The following EPB41L3 variants were observed in gnomAD, a reference collection of about 807,000 sequenced individuals.
The protein encoded by EPB41L3 is band 4.1-like protein 3.
In EPB41L3, 57 loss-of-function variants were observed where a neutral mutation model predicts 127.1. The ratio of observed to expected loss-of-function variants is 0.45; its 90% CI spans 0.36 to 0.56. EPB41L3 has a LOEUF of 0.56. Ranked by LOEUF, EPB41L3 falls within the 20% of genes least tolerant of loss-of-function variation. The pLI is 0.00. For synonymous variants in EPB41L3, 572 were observed against 549.5 expected, an observed-to-expected ratio of 1.04 and a Z score of -0.57; for missense variants, 1,273 against 1,372.2, an observed-to-expected ratio of 0.93 and a Z score of 1.14.
intron 5 of EPB41L3, among the ~76,000 whole-genome samples, chr18:5,439,940 T>C (rs1224052027): frequency 2.0e-5 from 3 of 152,210 alleles, no homozygotes; most frequent in African/African-American, 7.2e-5. Context: ...ATGAATAGTT[T>C]AGCAATGTAA....
At chr18:5,630,260 CTTT>C, upstream of EPB41L3, 1 of 432,130 alleles carries the variant, frequency 2.3e-6, no homozygotes, top group East Asian at 6.5e-5. Context: ...CCCTTCCTCG[CTTT>C]CTCCCCCATC....
At chr18:5,505,941 C>G (rs1199978637) in intron 1 of EPB41L3, among the ~76,000 whole-genome samples, 1 of 150,910 alleles carries the variant, frequency 6.6e-6, no homozygotes, top group Non-Finnish European at 1.5e-5. Context: ...TCACCTCTTA[C>G]CCTCCCTACC....
At position 5,582,870 on chromosome 18, in the gene EPB41L3, G is replaced by A. The variant is rs945231828; in HGVS notation, c.-306+29470C>T. Among the ~76,000 whole-genome samples the A allele has an allele frequency of 4.6e-5, 7 of 152,318 alleles. No homozygotes were observed. The East Asian group carries it at 5.8e-4, about 13-fold the overall frequency. ...CAGTGCAAACTTAAGAAGCTGGAGCGTCAGCAGAGGCAGTGAGGCATGCCC... is the reference window on the plus strand; with the variant it reads ...CAGTGCAAACTTAAGAAGCTGGAGCATCAGCAGAGGCAGTGAGGCATGCCC... On this transcript the variant is annotated intron_variant, in intron 3 of 21. Coordinates refer to the EPB41L3 transcript ENST00000545076.
chr18:5,550,955 G>A (rs976233130), intron 3 of EPB41L3, among the ~76,000 whole-genome samples: 2 of 151,948 alleles, frequency 1.3e-5, no homozygotes, highest in South Asian at 2.1e-4. Flanking sequence ...CCCCTCCCAC[G>A]TCTTCTCAGA....
Position 5,416,376 on chromosome 18 carries a change from T to G in EPB41L3, c.1509A>C (p.Ser503=). Residue 503 remains serine (S), a splice_region_variant and synonymous_variant, in exon 13 of 23, where the codon TCA becomes TCC. Transcript: ENST00000341928. The part of the protein sequence containing the change: ...PISAIRHEGK[S]PGLGTDSCPL... ...GACATGAGTCAGTGCCAAGCCCAGG[T>G]GACTGATGTGAAAGAGACAGAAAGA... 6.2e-7 allele frequency: 1 copy of G among 1,609,700 alleles called. No individual in the cohort carries two copies. Among genetic ancestry groups the G allele is most frequent in the Non-Finnish European group, 8.5e-7 (1 of 1,177,446 alleles).
intron 3 of EPB41L3, among the ~76,000 whole-genome samples, 168 bp from the exon 4 acceptor site, chr18:5,445,412 A>G (rs1380883795): frequency 6.6e-6 from 1 of 152,196 alleles, no homozygotes; most frequent in African/African-American, 2.4e-5. Flanking sequence ...AAATGGCTAA[A>G]AAATGGCAGG....
chr18:5,415,171 G>A (rs1158245967), intron 13 of EPB41L3, among the ~76,000 whole-genome samples: 1 of 152,230 alleles, frequency 6.6e-6, no homozygotes, highest in African/African-American at 2.4e-5. Flanking sequence ...GCATGCCGTT[G>A]CTTCTGGGCT....
At position 5,499,829 on chromosome 18, in the gene EPB41L3, G is replaced by GTGTGTATATATATATATATATATATA. The variant is rs563662904; in HGVS notation, c.-11-10636_-11-10635insTATATATATATATATATATATACACA. Among the ~76,000 whole-genome samples, 45 of 124,622 alleles carry GTGTGTATATATATATATATATATATA rather than the reference G, an allele frequency of 3.6e-4. 1 individual carries two copies. Among genetic ancestry groups the GTGTGTATATATATATATATATATATA allele is most frequent in the South Asian group, 1.0e-3 (4 of 3,966 alleles). The allele number at this position is 124,622 out of a possible 152,430, so 81.8% of individuals were successfully genotyped here. ...CCTACTACATACTTACTATGTGTGT[G>GTGTGTATATATATATATATATATATA]TATATATATATATATATATGGCATT... On this transcript the variant is annotated intron_variant, in intron 1 of 22. Transcript: ENST00000341928.
intron 1 of EPB41L3, among the ~76,000 whole-genome samples, chr18:5,622,951 A>ATTTTTTTTT (rs10622515): frequency 1.4e-4 from 11 of 76,046 alleles, no homozygotes; most frequent in Admixed American, 3.8e-4. Flanking sequence ...CATAATGCTG[A>ATTTTTTTTT]TTTTTTTTTT....
intron 3 of EPB41L3, chr18:5,577,666 G>A (rs770119918): frequency 1.8e-5 from 3 of 166,326 alleles, no homozygotes; most frequent in Non-Finnish European, 2.6e-5. Context: ...TCTGCAAAGT[G>A]CTGTAGATCC....
intron 3 of EPB41L3, among the ~76,000 whole-genome samples, chr18:5,452,573 C>T (rs1295313322): frequency 6.6e-6 from 1 of 152,140 alleles, no homozygotes; most frequent in African/African-American, 2.4e-5. Context: ...TCTTTCTATG[C>T]TGCCCCAGGC....
At chr18:5,509,161 G>C (rs2092388714) in intron 1 of EPB41L3, among the ~76,000 whole-genome samples, 1 of 152,190 alleles carries the variant, frequency 6.6e-6, no homozygotes, top group Non-Finnish European at 1.5e-5. Context: ...ACAGAAAAGA[G>C]CTCCTTTCAG....
chr18:5,563,505 T>C (rs1302856986), intron 3 of EPB41L3, among the ~76,000 whole-genome samples: 1 of 152,132 alleles, frequency 6.6e-6, no homozygotes, highest in African/African-American at 2.4e-5. Context: ...AGGGCAATAA[T>C]AGTAGAGGTG....
chr18:5,598,995 T>C (rs1167512982), intron 3 of EPB41L3, among the ~76,000 whole-genome samples: 1 of 152,194 alleles, frequency 6.6e-6, no homozygotes, highest in African/African-American at 2.4e-5. Context: ...GAAGAGTTCA[T>C]GCCATGAGGA....
rs572210962 is a variant in EPB41L3, at chr18:5,396,002, T to C, written c.2973+199A>G. Among the ~76,000 whole-genome samples, 4 of 152,292 alleles carry C rather than the reference T, an allele frequency of 2.6e-5. No individual in the cohort carries two copies. In the South Asian group the frequency reaches 6.2e-4, roughly 24 times the overall value. Reference sequence around the variant, plus strand: ...GCCTTTTTCTACACTTCAAGACACATAAAGACTTGGTTAAGTCATCTGCTG... The same window carrying C: ...GCCTTTTTCTACACTTCAAGACACACAAAGACTTGGTTAAGTCATCTGCTG... On this transcript the variant is annotated intron_variant, in intron 19 of 22. Coordinates refer to ENST00000341928, the MANE Select transcript of EPB41L3 (RefSeq NM_012307.5).
intron 1 of EPB41L3, among the ~76,000 whole-genome samples, chr18:5,518,841 T>C (rs537350298): frequency 2.5e-4 from 38 of 152,174 alleles, no homozygotes; most frequent in Admixed American, 1.6e-3. Flanking sequence ...AACATCCTTT[T>C]ACATGGACAA....
At chr18:5,604,656 G>C (rs966160146) in intron 3 of EPB41L3, among the ~76,000 whole-genome samples, 1 of 152,124 alleles carries the variant, frequency 6.6e-6, no homozygotes, top group South Asian at 2.1e-4. Flanking sequence ...GTTTCACCAT[G>C]TTGGCCAGGC....
rs1174565037 is a variant in EPB41L3 at position 5,562,496 on chromosome 18, A to G, written c.-306+49844T>C. 2.0e-5 allele frequency among the ~76,000 whole-genome samples: 3 copies of G among 152,324 alleles called. No homozygotes were observed. The East Asian group carries it at 5.8e-4, about 29-fold the overall frequency. Reference sequence around the variant, plus strand: ...ACCAATTATGAGCTGTGTGACCTAGAACAAGTTAAAGTTACTTTTCTGTAA... The same window carrying G: ...ACCAATTATGAGCTGTGTGACCTAGGACAAGTTAAAGTTACTTTTCTGTAA... On this transcript the variant is annotated intron_variant, in intron 3 of 21. Coordinates refer to the EPB41L3 transcript ENST00000545076.
chr18:5,627,946 T>C (rs2094940570), intron 1 of EPB41L3, among the ~76,000 whole-genome samples: 1 of 152,196 alleles, frequency 6.6e-6, no homozygotes, highest in African/African-American at 2.4e-5. Context: ...TGTCACTAAG[T>C]CTGAACTGTA....
Sources: allele counts gnomAD v4.1 joint callset (sites outside exome capture counted in the v4.1 genomes callset), GRCh38; gene constraint gnomAD v4.1.1; transcripts MANE v1.5; gene names NCBI Gene and HGNC (gene_info 2026-07-23, HGNC 2026-07-21).